The following HTR1F variants were observed in gnomAD, a reference collection of about 807,000 sequenced individuals.
HTR1F encodes 5-hydroxytryptamine (serotonin) receptor 1F, G protein-coupled.
A neutral mutation model predicts 24.0 loss-of-function variants in HTR1F; 17 were observed. The observed-to-expected ratio is 0.71, with a 90% CI of 0.48 to 1.06. The LOEUF is 1.06. HTR1F is among the 50% of genes least tolerant of loss of function. The probability of loss-of-function intolerance (pLI) is 0.00; values close to 1 mark genes in which losing one functional copy is unlikely to be tolerated. For synonymous variants in HTR1F, 186 were observed against 156.8 expected (o/e 1.19, Z -1.39); for missense variants, 391 against 427.8 (o/e 0.91, Z 0.76).
chr3:87,848,326 T>G (rs1027344451), intron 2 of HTR1F, among the ~76,000 whole-genome samples: 6 of 152,006 alleles, frequency 3.9e-5, no homozygotes, highest in African/African-American at 1.5e-4. Context: ...TTGAGAAATG[T>G]CTATTCATGT....
chr3:87,931,026 C>CTTTTTTTTTTTTTTTTTT (rs34617109), intron 2 of HTR1F, among the ~76,000 whole-genome samples: 1 of 131,840 alleles, frequency 7.6e-6, no homozygotes, highest in Admixed American at 7.8e-5. Context: ...ATAGTCTTTC[C>CTTTTTTTTTTTTTTTTTT]TTTTTTTTTT....
At chr3:87,986,305 C>T (rs1318136590) in intron 2 of HTR1F, among the ~76,000 whole-genome samples, 19 of 152,082 alleles carry the variant, frequency 1.2e-4, no homozygotes, top group Admixed American at 8.5e-4. Context: ...TAAAACCCAA[C>T]GCCATTGGTT....
intron 1 of HTR1F, among the ~76,000 whole-genome samples, chr3:87,815,910 A>G (rs954211702): frequency 2.0e-4 from 30 of 152,126 alleles, no homozygotes; most frequent in African/African-American, 7.2e-4. Context: ...TTTCTGGTAT[A>G]TAAAACAAAA....
At chr3:87,942,572 G>A (rs565571213) in intron 2 of HTR1F, among the ~76,000 whole-genome samples, 3 of 152,202 alleles carry the variant, frequency 2.0e-5, no homozygotes, top group Admixed American at 6.5e-5. Flanking sequence ...TTGACATAAG[G>A]GGCTTGGATG....
chr3:87,880,823 T>C (rs189749455), intron 2 of HTR1F, among the ~76,000 whole-genome samples: 1 of 152,202 alleles, frequency 6.6e-6, no homozygotes, highest in Non-Finnish European at 1.5e-5. Flanking sequence ...TCTCTAGTTT[T>C]GGGATTTTCA....
chr3:87,879,006 A>G (rs1473898265), intron 2 of HTR1F, among the ~76,000 whole-genome samples: 3 of 152,192 alleles, frequency 2.0e-5, no homozygotes, highest in Non-Finnish European at 4.4e-5. Flanking sequence ...AATATTTCTA[A>G]GTAGAAAATG....
intron 2 of HTR1F, among the ~76,000 whole-genome samples, chr3:87,930,343 G>A (rs1704231821): frequency 6.6e-6 from 1 of 152,142 alleles, no homozygotes; most frequent in South Asian, 2.1e-4. Context: ...GGTGAGAGAG[G>A]GCATCCTTGT....
intron 2 of HTR1F, among the ~76,000 whole-genome samples, chr3:87,943,593 G>A (rs1462558929): frequency 5.3e-5 from 8 of 151,812 alleles, no homozygotes; most frequent in Non-Finnish European, 7.4e-5. Context: ...TTGGGGGGAT[G>A]CTGGGGTAGG....
intron 2 of HTR1F, among the ~76,000 whole-genome samples, chr3:87,857,588 T>C (rs1705223495): frequency 6.6e-6 from 1 of 152,130 alleles, no homozygotes; most frequent in African/African-American, 2.4e-5. Context: ...TTAAAGACTT[T>C]TTTTTTAGAG....
intron 1 of HTR1F, among the ~76,000 whole-genome samples, chr3:87,818,835 C>T (rs557091613): frequency 3.7e-4 from 56 of 152,232 alleles, no homozygotes; most frequent in Admixed American, 1.5e-3. Context: ...CATCCTAGTC[C>T]CAGGTGTTGG....
intron 2 of HTR1F, among the ~76,000 whole-genome samples, chr3:87,880,933 G>C (rs1705779823): frequency 6.6e-6 from 1 of 152,158 alleles, no homozygotes; most frequent in African/African-American, 2.4e-5. Context: ...TATTTTATAA[G>C]CCATTAAAAT....
chr3:87,901,899 G>A (rs773351725), intron 2 of HTR1F, among the ~76,000 whole-genome samples: 2 of 151,910 alleles, frequency 1.3e-5, no homozygotes, highest in African/African-American at 2.4e-5. Flanking sequence ...AGATCAGCAC[G>A]ACCTCTACAA....
At chr3:87,828,798 G>A (rs1559597150) in intron 2 of HTR1F, among the ~76,000 whole-genome samples, 2 of 152,124 alleles carry the variant, frequency 1.3e-5, no homozygotes, top group South Asian at 2.1e-4. Context: ...AAGATCACCT[G>A]TTCTATTGTT....
chr3:87,933,279 T>C, intron 2 of HTR1F, among the ~76,000 whole-genome samples: 1 of 150,932 alleles, frequency 6.6e-6, no homozygotes, highest in African/African-American at 2.4e-5. Flanking sequence ...AAGCATTCCC[T>C]TTGAAAACTG....
At chr3:87,937,378 G>T (rs111265140) in intron 2 of HTR1F, among the ~76,000 whole-genome samples, 4,968 of 152,226 alleles carry the variant, frequency 0.033, 248 homozygotes, top group African/African-American at 0.11. Context: ...CGACATGATT[G>T]TCTCAGTAGA....
intron 2 of HTR1F, among the ~76,000 whole-genome samples, chr3:87,924,733 C>T (rs1362415744): frequency 6.6e-6 from 1 of 152,154 alleles, no homozygotes; most frequent in East Asian, 1.9e-4. Context: ...GAGAAATCTG[C>T]TGTCAGTCTA....
intron 2 of HTR1F, among the ~76,000 whole-genome samples, chr3:87,900,059 TA>T (rs1706287547): frequency 1.3e-5 from 2 of 151,568 alleles, no homozygotes; most frequent in Admixed American, 1.3e-4. Flanking sequence ...GAAAAGGAAG[TA>T]AGGAGGCATG....
intron 2 of HTR1F, among the ~76,000 whole-genome samples, chr3:87,986,478 T>C (rs996090947): frequency 4.6e-5 from 7 of 152,186 alleles, no homozygotes; most frequent in African/African-American, 1.7e-4. Context: ...AAAATTTTTA[T>C]TTTTTTCTTG....
At chr3:87,948,044 G>T (rs1437471847) in intron 2 of HTR1F, among the ~76,000 whole-genome samples, 1 of 151,748 alleles carries the variant, frequency 6.6e-6, no homozygotes, top group African/African-American at 2.4e-5. Flanking sequence ...ACTAATCTTG[G>T]ATGTTTATTC....
Sources: gnomAD v4.1 joint callset for allele counts (sites outside exome capture counted in the v4.1 genomes callset) on GRCh38, gnomAD v4.1.1 for gene constraint, MANE v1.5 for transcripts, NCBI Gene and HGNC (gene_info 2026-07-23, HGNC 2026-07-21) for gene names.